FRYL: variants seen among roughly 807,000 people sequenced by gnomAD.
The protein encoded by FRYL is protein furry homolog-like.
FRYL carries 150 observed loss-of-function variants against 351.2 expected under a neutral mutation model. The ratio of observed to expected loss-of-function variants is 0.43; its 90% confidence interval spans 0.37 to 0.49. The LOEUF (loss-of-function observed/expected upper bound fraction) is 0.49. Ranked by LOEUF, FRYL falls within the 20% of genes least tolerant of loss-of-function variation. FRYL has a pLI of 0.00. For missense variants in FRYL, 3,036 were observed against 3,619.3 expected (o/e 0.84, Z 4.13); for synonymous variants, 1,153 against 1,257.1 (o/e 0.92, Z 1.75).
In FRYL at chr4:48,602,098, G is replaced by T; in HGVS notation, c.957C>A (p.Cys319Ter). 6.3e-7 allele frequency: 1 copy of T among 1,592,708 alleles called. No homozygotes were observed. Among genetic ancestry groups the T allele is most frequent in the Non-Finnish European group, 8.6e-7 (1 of 1,161,442 alleles). ...HSLALYPLIT[C>*]LLCVSQKQFF... is the part of the protein sequence containing the mutation. ...ATTGTTTCTGACTGACACATAAAAG[G>T]CAGGTAATTAGTGGATATAAAGCCT... The change falls in exon 13 of 64, where the codon TGC (cysteine) becomes TGA (stop). Residue 319 changes from cysteine (C) to a stop codon, truncating the protein, a stop_gained. Transcript: ENST00000358350. LOFTEE classifies it high-confidence loss of function.
intron 26 of FRYL, chr4:48,571,967 G>T (rs1273175357): frequency 1.1e-5 from 11 of 985,130 alleles, no homozygotes; most frequent in Admixed American, 6.2e-5. Flanking sequence ...AAGTCATCCA[G>T]CACTGTAACC....
At chr4:48,505,502 T>C (rs571295732) in intron 60 of FRYL, 45 bp downstream of exon 60, 125 of 1,092,578 alleles carry the variant, frequency 1.1e-4, no homozygotes, top group Admixed American at 5.7e-4. Flanking sequence ...TTGTTTTACC[T>C]GATACAGAAA....
intron 17 of FRYL, among the ~76,000 whole-genome samples, chr4:48,590,115 T>C (rs1242431532): frequency 6.6e-6 from 1 of 152,172 alleles, no homozygotes; most frequent in Non-Finnish European, 1.5e-5. Context: ...CAGAATGCAG[T>C]GAATAGGATC....
Position 48,512,658 on chromosome 4 carries a change from T to C in FRYL, c.7968A>G (p.Pro2656=). The C allele has an allele frequency of 6.2e-7, 1 of 1,613,852 alleles. No homozygotes were observed. The highest frequency in any genetic ancestry group is 8.5e-7 in the Non-Finnish European group (1 of 1,179,784). The change falls in exon 57 of 64, where the codon CCA becomes CCG. Residue 2656 remains proline (P), a synonymous_variant. Coordinates refer to ENST00000358350, the MANE Select transcript of FRYL (RefSeq NM_015030.2). ...SQDEEEQDGF[P]EVQTSPLPSP... is the part of the protein sequence containing the mutation. The stretch of plus-strand genomic sequence containing the variant: ...ACGGCAGAGGCGACGTCTGTACTTC[T>C]GGAAAACCATCTTGCTCTTCTTCAT...
rs1402203357 is a variant in FRYL at position 48,542,703 on chromosome 4, A to G, written c.5593-582T>C. Among the ~76,000 whole-genome samples, 5 of 152,240 alleles carry G rather than the reference A, an allele frequency of 3.3e-5. No homozygotes were observed. In the East Asian group the frequency reaches 9.6e-4, roughly 29 times the overall value. The stretch of plus-strand genomic sequence containing the variant: ...AGTGCTGGGATTATAGGTGTGAGCC[A>G]CAGTGCCTGGCTGAAAATATCACTT... On this transcript the variant is annotated intron_variant, in intron 44 of 63. Transcript: ENST00000358350.
chr4:48,635,222 T>C (rs1442162380), intron 3 of FRYL, among the ~76,000 whole-genome samples: 1 of 152,160 alleles, frequency 6.6e-6, no homozygotes, highest in Non-Finnish European at 1.5e-5. Flanking sequence ...TAAAATTCAG[T>C]GGAAAGCATT....
intron 56 of FRYL, among the ~76,000 whole-genome samples, chr4:48,514,226 A>G (rs1042805225): frequency 2.0e-5 from 3 of 152,138 alleles, no homozygotes; most frequent in Admixed American, 1.3e-4. Context: ...GTTATCCAGG[A>G]GCTCCAAATT....
intron 1 of FRYL, among the ~76,000 whole-genome samples, chr4:48,712,382 T>C (rs369169351): frequency 2.0e-5 from 3 of 152,104 alleles, no homozygotes; most frequent in South Asian, 2.1e-4. Flanking sequence ...AAGGAGCCGA[T>C]GGAGCTGAAA....
rs543248171 is a variant in FRYL at position 48,498,764 on chromosome 4, C to T, written c.*658G>A. 2 of 152,628 alleles carry T rather than the reference C, an allele frequency of 1.3e-5. No homozygotes were observed. The highest frequency in any genetic ancestry group is 1.9e-4 in the East Asian group (1 of 5,198). The allele number at this position is 152,628 out of a possible 1,614,324, so 9.5% of individuals were successfully genotyped here. A position where few individuals can be genotyped will look rare whatever the true frequency, so the allele number is the denominator to read the frequency against. On this transcript the variant is annotated 3_prime_UTR_variant, in exon 64 of 64. Coordinates refer to ENST00000358350, the MANE Select transcript of FRYL (RefSeq NM_015030.2). The stretch of plus-strand genomic sequence containing the variant: ...GTGCTCTTTTAGGCATGCTCTGAGA[C>T]GTTATCACCAAACATCCATACCTTG...
intron 25 of FRYL, among the ~76,000 whole-genome samples, chr4:48,574,857 CAT>C (rs1739247900): frequency 2.6e-5 from 4 of 152,006 alleles, no homozygotes; most frequent in African/African-American, 9.7e-5. Context: ...TATGGCATTT[CAT>C]TATTTCTAGA....
chr4:48,675,884 T>G (rs1763583663), intron 3 of FRYL, among the ~76,000 whole-genome samples: 1 of 152,140 alleles, frequency 6.6e-6, no homozygotes, highest in Non-Finnish European at 1.5e-5. Context: ...TGTATATAGC[T>G]CAAGGTTTGT....
chr4:48,571,700 G>A (rs1161437175), intron 26 of FRYL: 62 of 982,884 alleles, frequency 6.3e-5, no homozygotes, highest in Non-Finnish European at 7.2e-5. Flanking sequence ...TTTTCTCTTG[G>A]CTCTTTCTAA....
At position 48,655,237 on chromosome 4, in the gene FRYL, T is replaced by C. The variant is rs143568233; in HGVS notation, c.-80-20747A>G. ...GCAGTCCAAGAAATCTGGCCATCCCTACTCCTAAACTGACCCAAAAAGTAA... is the reference window on the plus strand; with the variant it reads ...GCAGTCCAAGAAATCTGGCCATCCCCACTCCTAAACTGACCCAAAAAGTAA... On this transcript the variant is annotated intron_variant, in intron 3 of 63. Coordinates refer to ENST00000358350, the MANE Select transcript of FRYL (RefSeq NM_015030.2). 4.4e-3 allele frequency among the ~76,000 whole-genome samples: 663 copies of C among 152,252 alleles called. 8 individuals are homozygous for C. The highest frequency in any genetic ancestry group is 0.014 in the African/African-American group (598 of 41,528).
rs369456276 is a variant in FRYL at position 48,755,547 on chromosome 4, T to C, written c.-384+24531A>G. Among the ~76,000 whole-genome samples the C allele has an allele frequency of 4.0e-4, 61 of 152,272 alleles. 1 individual carries two copies. The highest frequency in any genetic ancestry group is 5.8e-4 in the African/African-American group (24 of 41,560). On this transcript the variant is annotated intron_variant, in intron 1 of 63. Coordinates refer to ENST00000358350, the MANE Select transcript of FRYL (RefSeq NM_015030.2). ...TTATCCCCCTTGTCAGAGAGAAACG[T>C]TGCAAAATCTCCAGCTGAAATCCAG... is the stretch of plus-strand genomic sequence containing the variant.
intron 11 of FRYL, 96 bp from the exon 12 acceptor site, chr4:48,603,484 T>C: frequency 1.2e-6 from 1 of 809,570 alleles, no homozygotes; most frequent in South Asian, 1.6e-5. Context: ...TGAAATTGGT[T>C]AATAATTCAC....
At chr4:48,622,825 T>C (rs974967589) in intron 5 of FRYL, among the ~76,000 whole-genome samples, 2 of 152,030 alleles carry the variant, frequency 1.3e-5, no homozygotes, top group African/African-American at 4.8e-5. Context: ...TAAAATATTA[T>C]TATGTAAAAA....
chr4:48,676,346 AAAG>A (rs1328881045), intron 3 of FRYL, among the ~76,000 whole-genome samples: 2 of 152,162 alleles, frequency 1.3e-5, no homozygotes, highest in Non-Finnish European at 2.9e-5. Flanking sequence ...AACCCACCAG[AAAG>A]AAGAAACTCC....
At chr4:48,581,634 A>G in intron 20 of FRYL, 29 bp from the exon 21 acceptor site, 1 of 1,548,720 alleles carries the variant, frequency 6.5e-7, no homozygotes, top group Non-Finnish European at 8.7e-7. Context: ...AAAACAAAAT[A>G]TAAAAATATA....
intron 7 of FRYL, among the ~76,000 whole-genome samples, chr4:48,612,496 A>ATGTG (rs1748415225): frequency 1.8e-5 from 1 of 55,546 alleles, no homozygotes; most frequent in Admixed American, 2.7e-4. Flanking sequence ...CTGTGTGTGC[A>ATGTG]CGTGTGTGTG....
Sources: allele counts gnomAD v4.1 joint callset (sites outside exome capture counted in the v4.1 genomes callset), GRCh38; gene constraint gnomAD v4.1.1; transcripts MANE v1.5; gene names NCBI Gene and HGNC (gene_info 2026-07-23, HGNC 2026-07-21).